PCSK2: variants seen among roughly 807,000 people sequenced by gnomAD.
The protein encoded by PCSK2 is proprotein convertase subtilisin/kexin type 2.
PCSK2 carries 14 observed loss-of-function variants against 69.7 expected under a neutral mutation model. The ratio of observed to expected loss-of-function variants is 0.20; its 90% CI spans 0.13 to 0.31. The LOEUF (loss-of-function observed/expected upper bound fraction) is 0.31, where lower values mean the gene tolerates loss of function less well. PCSK2 is among the 10% of genes least tolerant of loss of function. The pLI is 1.00. For synonymous variants in PCSK2, 307 were observed against 320.7 expected (o/e 0.96, Z 0.46); for missense variants, 544 against 842.5 (o/e 0.65, Z 4.39).
intron 2 of PCSK2, among the ~76,000 whole-genome samples, chr20:17,332,242 A>C (rs1398967987): frequency 1.3e-5 from 2 of 152,174 alleles, no homozygotes; most frequent in African/African-American, 4.8e-5. Flanking sequence ...TTTGAGCCCA[A>C]GGGTTGCGTT....
At chr20:17,330,952 C>A in intron 2 of PCSK2, among the ~76,000 whole-genome samples, 1 of 152,214 alleles carries the variant, frequency 6.6e-6, no homozygotes, top group East Asian at 1.9e-4. Flanking sequence ...GGAAAAAAAT[C>A]TTTGTCAGAT....
intron 10 of PCSK2, among the ~76,000 whole-genome samples, chr20:17,457,662 A>C (rs778716885): frequency 3.3e-5 from 5 of 152,176 alleles, no homozygotes; most frequent in Non-Finnish European, 2.9e-5. Context: ...TCCAATGTAC[A>C]TTTCCTGAAG....
intron 5 of PCSK2, among the ~76,000 whole-genome samples, chr20:17,407,156 T>A (rs1353955755): frequency 1.3e-5 from 2 of 152,120 alleles, no homozygotes; most frequent in Non-Finnish European, 2.9e-5. Context: ...CTCAGATGCC[T>A]CACAGGGGCA....
intron 2 of PCSK2, among the ~76,000 whole-genome samples, chr20:17,278,530 T>C (rs1000954607): frequency 6.6e-6 from 1 of 151,742 alleles, no homozygotes; most frequent in Admixed American, 6.6e-5. Context: ...TGAGAACACA[T>C]GGACACAGGA....
intron 5 of PCSK2, among the ~76,000 whole-genome samples, chr20:17,401,347 G>T (rs567203685): frequency 6.6e-6 from 1 of 152,158 alleles, no homozygotes; most frequent in African/African-American, 2.4e-5. Flanking sequence ...GTGAAGGCCT[G>T]TTCCTCATAC....
At chr20:17,364,613 C>A (rs1040537574) in intron 4 of PCSK2, among the ~76,000 whole-genome samples, 2 of 152,208 alleles carry the variant, frequency 1.3e-5, no homozygotes, top group African/African-American at 2.4e-5. Flanking sequence ...GGGAACCCAC[C>A]CCCATGATTT....
At chr20:17,348,099 GAAAGA>G (rs777048937) in intron 2 of PCSK2, among the ~76,000 whole-genome samples, 16 of 133,200 alleles carry the variant, frequency 1.2e-4, no homozygotes, top group African/African-American at 1.9e-4. Context: ...AAGAAAGAAA[GAAAGA>G]AAAGAAAAGA....
chr20:17,350,835 G>A (rs2029960211), intron 2 of PCSK2, among the ~76,000 whole-genome samples: 1 of 152,066 alleles, frequency 6.6e-6, no homozygotes, highest in Non-Finnish European at 1.5e-5. Flanking sequence ...CTGAGGTCAG[G>A]AATTCGAGAC....
intron 6 of PCSK2, among the ~76,000 whole-genome samples, chr20:17,418,270 G>T (rs61458897): frequency 2.3e-3 from 347 of 152,312 alleles, no homozygotes; most frequent in African/African-American, 7.4e-3. Context: ...CTTGTGCAAG[G>T]TTACAGGGCT....
At chr20:17,441,795 T>C (rs578103065) in intron 8 of PCSK2, among the ~76,000 whole-genome samples, 10 of 152,008 alleles carry the variant, frequency 6.6e-5, no homozygotes, top group Non-Finnish European at 1.5e-4. Flanking sequence ...AAATTCAAGA[T>C]GAGATTTGGG....
chr20:17,481,494 G>A (rs2033400976), intron 11 of PCSK2, 90 bp from the exon 12 acceptor site: 2 of 1,194,510 alleles, frequency 1.7e-6, no homozygotes, highest in Middle Eastern at 2.2e-4. Flanking sequence ...CAAAGCCCTT[G>A]CCCTTTCCGC....
chr20:17,295,427 A>G (rs1432246515), intron 2 of PCSK2, among the ~76,000 whole-genome samples: 2 of 151,550 alleles, frequency 1.3e-5, no homozygotes, highest in Admixed American at 6.6e-5. Flanking sequence ...CTCCTATTTC[A>G]AGTTGCTACT....
chr20:17,348,076 AAAGAAAGAAAGAAAGAAAGAAAG>A, intron 2 of PCSK2, among the ~76,000 whole-genome samples: 1 of 150,272 alleles, frequency 6.7e-6, no homozygotes, highest in East Asian at 2.0e-4. Flanking sequence ...AGAAAGAAAG[AAAGAAAGAAAGAAAGAAAGAAAG>A]AAAGAAAAGA....
intron 5 of PCSK2, among the ~76,000 whole-genome samples, chr20:17,376,110 G>A (rs572007571): frequency 3.4e-4 from 52 of 152,302 alleles, no homozygotes; most frequent in Middle Eastern, 3.4e-3. Flanking sequence ...CTAGAGGAGG[G>A]TGAGAGACAT....
chr20:17,478,753 AT>A (rs983203478), intron 11 of PCSK2, among the ~76,000 whole-genome samples: 2 of 152,204 alleles, frequency 1.3e-5, no homozygotes, highest in African/African-American at 4.8e-5. Context: ...CTGAAAGAGA[AT>A]TTTATTATCT....
At chr20:17,330,619 A>G (rs995287691) in intron 2 of PCSK2, among the ~76,000 whole-genome samples, 4 of 152,142 alleles carry the variant, frequency 2.6e-5, no homozygotes, top group Non-Finnish European at 5.9e-5. Context: ...TTCATCTCAA[A>G]TAAAAATACA....
At chr20:17,341,195 G>A (rs906126568) in intron 2 of PCSK2, among the ~76,000 whole-genome samples, 15 of 152,116 alleles carry the variant, frequency 9.9e-5, no homozygotes, top group African/African-American at 1.9e-4. Context: ...AGCCAAGACC[G>A]CACCACCGTA....
intron 2 of PCSK2, among the ~76,000 whole-genome samples, chr20:17,346,201 C>G (rs1428708382): frequency 6.6e-6 from 1 of 152,124 alleles, no homozygotes; most frequent in Admixed American, 6.5e-5. Context: ...CTTTTGGAAC[C>G]TGTATTCCTG....
intron 2 of PCSK2, chr20:17,263,093 C>A: frequency 1.0e-6 from 1 of 976,612 alleles, no homozygotes; most frequent in Non-Finnish European, 1.2e-6. Context: ...GCTTTTTGAC[C>A]AAAGAAACCT....
Sources: allele counts gnomAD v4.1 joint callset (sites outside exome capture counted in the v4.1 genomes callset), GRCh38; gene constraint gnomAD v4.1.1; transcripts MANE v1.5; gene names NCBI Gene and HGNC (gene_info 2026-07-23, HGNC 2026-07-21).